Variants in TUBB2A observed in about 807,000 individuals in gnomAD.
The protein encoded by TUBB2A is tubulin beta-2A chain.
A neutral mutation model predicts 33.9 loss-of-function variants in TUBB2A; 7 were observed. The ratio of observed to expected loss-of-function variants is 0.21; its 90% confidence interval spans 0.12 to 0.39. The LOEUF is 0.39. TUBB2A is among the 10% of genes least tolerant of loss of function. The pLI is 1.00. For synonymous variants in TUBB2A, 187 were observed against 247.6 expected (o/e 0.76, Z 2.30); for missense variants, 80 against 593.4 (o/e 0.13, Z 8.99).
Position 3,154,857 on chromosome 6 carries a change from G to C in TUBB2A, c.344C>G (p.Ser115Trp). 2 of 1,613,360 alleles carry C rather than the reference G, an allele frequency of 1.2e-6. No individual in the cohort carries two copies. Among genetic ancestry groups the C allele is most frequent in the Non-Finnish European group, 8.5e-7 (1 of 1,179,850 alleles). Residue 115 changes from serine to tryptophan, a missense_variant, in exon 4 of 4, where the codon TCG becomes TGG. By Grantham distance (177) the Ser-to-Trp change is radical. This residue lies in a region of TUBB2A where 27 missense variants were observed against 165.8 expected (regional missense o/e 0.16). Coordinates refer to ENST00000333628, the MANE Select transcript of TUBB2A (RefSeq NM_001069.3). The stretch of plus-strand genomic sequence containing the variant: ...CTCCTTCCTCACCACATCCAGGACC[G>C]AGTCGACCAGCTCGGCTCCCTCTGT... ...HYTEGAELVD[S>W]VLDVVRKESE... is the part of the protein sequence containing the mutation.
chr6:3,156,057 G>A lies in TUBB2A; in HGVS notation c.153C>T (p.Tyr51=). ...DLQLERINVY[Y]NEAAGNKYVP... is the part of the protein sequence containing the mutation. ...CCCGCTACTCACCAGCAGCCTCATT[G>A]TAGTACACGTTGATTCTCTCCAGCT... is the stretch of plus-strand genomic sequence containing the variant. The change falls in exon 2 of 4, where the codon TAC becomes TAT. Residue 51 remains tyrosine, a synonymous_variant. Transcript: ENST00000333628. 7.5e-6 allele frequency: 12 copies of A among 1,606,692 alleles called. No individual in the cohort carries two copies. The highest frequency in any genetic ancestry group is 1.0e-5 in the Non-Finnish European group (12 of 1,175,064).
rs1762658003 is a variant in TUBB2A, at chr6:3,157,513, G to T, written c.-50C>A. ...GCTGGCCCTCGGAGCGGTGCGCGGC[G>T]TGGACCGGCGGGCTGGGCTGCGCAG... is the stretch of plus-strand genomic sequence containing the variant. On this transcript the variant is annotated 5_prime_UTR_variant, in exon 1 of 4. Transcript: ENST00000333628. The T allele has an allele frequency of 6.9e-7, 1 of 1,451,608 alleles. No homozygotes were observed. Among genetic ancestry groups the T allele is most frequent in the East Asian group, 3.0e-5 (1 of 33,066 alleles). 89.9% of individuals were successfully genotyped at this position (1,451,608 alleles called of 1,614,324 possible).
chr6:3,157,480 C>T lies in TUBB2A; in HGVS notation c.-17G>A. 2.6e-6 allele frequency: 4 copies of T among 1,516,258 alleles called. No homozygotes were observed. The highest frequency in any genetic ancestry group is 1.8e-6 in the Non-Finnish European group (2 of 1,138,272). The allele number at this position is 1,516,258 out of a possible 1,614,324, so 93.9% of individuals were successfully genotyped here. A position where few individuals can be genotyped will look rare whatever the true frequency, so the allele number is the denominator to read the frequency against. On this transcript the variant is annotated 5_prime_UTR_variant, in exon 1 of 4. Transcript: ENST00000333628. ...CTCGCGCATGGTGCCGGCTGCGGAG[C>T]GGGTGGCGCTGGCCCTCGGAGCGGT...
At position 3,157,535 on chromosome 6, in the gene TUBB2A, G is replaced by GCAGAGACCTGCCGCCGCC. The variant is rs1220818680; in HGVS notation, c.-73_-72insGGCGGCGGCAGGTCTCTG. The GCAGAGACCTGCCGCCGCC allele has an allele frequency of 1.9e-5, 27 of 1,385,338 alleles. No individual in the cohort carries two copies. In the Admixed American group the frequency reaches 8.2e-4, roughly 42 times the overall value. 85.8% of individuals were successfully genotyped at this position (1,385,338 alleles called of 1,614,324 possible). ...GGCGTGGACCGGCGGGCTGGGCTGC[G>GCAGAGACCTGCCGCCGCC]CAGAGACCTGCCGCCGCCCCCCCAG... is the stretch of plus-strand genomic sequence containing the variant. On this transcript the variant is annotated 5_prime_UTR_variant, in exon 1 of 4. Coordinates refer to ENST00000333628, the MANE Select transcript of TUBB2A (RefSeq NM_001069.3).
At position 3,154,483 on chromosome 6, in the gene TUBB2A, G is replaced by A. The variant is rs200869469; in HGVS notation, c.718C>T (p.Leu240=). Residue 240 remains leucine, a synonymous_variant, in exon 4 of 4, where the codon CTG becomes TTG. Coordinates refer to ENST00000333628, the MANE Select transcript of TUBB2A (RefSeq NM_001069.3). The part of the protein sequence containing the change: ...SATMSGVTTC[L]RFPGQLNADL... ...GCGTTCAGCTGGCCCGGGAAGCGCA[G>A]GCAGGTGGTGACCCCGCTCATGGTG... is the stretch of plus-strand genomic sequence containing the variant. The A allele has an allele frequency of 1.2e-5, 19 of 1,601,038 alleles. No homozygotes were observed. Among genetic ancestry groups the A allele is most frequent in the Middle Eastern group, 1.7e-4 (1 of 5,980 alleles).
Position 3,157,523 on chromosome 6 carries a change from G to C in TUBB2A, c.-60C>G. On this transcript the variant is annotated 5_prime_UTR_variant, in exon 1 of 4. Coordinates refer to ENST00000333628, the MANE Select transcript of TUBB2A (RefSeq NM_001069.3). ...GGAGCGGTGCGCGGCGTGGACCGGCGGGCTGGGCTGCGCAGAGACCTGCCG... is the reference window on the plus strand; with the variant it reads ...GGAGCGGTGCGCGGCGTGGACCGGCCGGCTGGGCTGCGCAGAGACCTGCCG... 7.0e-7 allele frequency: 1 copy of C among 1,425,978 alleles called. No individual in the cohort carries two copies. Among genetic ancestry groups the C allele is most frequent in the African/African-American group, 1.5e-5 (1 of 67,076 alleles). 88.3% of individuals were successfully genotyped at this position (1,425,978 alleles called of 1,614,324 possible). A position where few individuals can be genotyped will look rare whatever the true frequency, so the allele number is the denominator to read the frequency against.
Position 3,156,261 on chromosome 6 carries a change from T to G in TUBB2A, c.58-109A>C. 3 of 1,287,356 alleles carry G rather than the reference T, an allele frequency of 2.3e-6. No homozygotes were observed. The Admixed American group carries it at 8.2e-5, about 35-fold the overall frequency. 79.7% of individuals were successfully genotyped at this position (1,287,356 alleles called of 1,614,324 possible). A position where few individuals can be genotyped will look rare whatever the true frequency, so the allele number is the denominator to read the frequency against. On this transcript the variant is annotated intron_variant, in intron 1 of 3. Coordinates refer to ENST00000333628, the MANE Select transcript of TUBB2A (RefSeq NM_001069.3). ...ACAGGGGCTTTTGTGGTCAGACAGT[T>G]AGTAAGTGCTAGACAGAGAGCAAAG...
At position 3,154,732 on chromosome 6, in the gene TUBB2A, C is replaced by T; in HGVS notation, c.469G>A (p.Glu157Lys). The part of the protein sequence containing the change: ...MGTLLISKIR[E>K]EYPDRIMNTF... ...TTCATGATGCGGTCTGGGTACTCTTCCCGGATCTTGCTGATGAGCAGGGTG... is the reference window on the plus strand; with the variant it reads ...TTCATGATGCGGTCTGGGTACTCTTTCCGGATCTTGCTGATGAGCAGGGTG... The change falls in exon 4 of 4, where the codon GAA becomes AAA. Residue 157 changes from glutamate (E) to lysine (K), a missense_variant. By Grantham distance (56) the Glu-to-Lys change is moderately conservative. Around this residue, in one of 5 missense-constraint regions of TUBB2A, gnomAD observed 27 missense variants for 165.8 expected, o/e 0.16. Transcript: ENST00000333628. The T allele has an allele frequency of 1.9e-6, 3 of 1,611,312 alleles. No individual in the cohort carries two copies. Among genetic ancestry groups the T allele is most frequent in the Non-Finnish European group, 2.5e-6 (3 of 1,178,522 alleles).
chr6:3,153,751 CAG>C lies in TUBB2A; in HGVS notation c.*110_*111del. 1.3e-6 allele frequency: 2 copies of C among 1,488,360 alleles called. No individual in the cohort carries two copies. The highest frequency in any genetic ancestry group is 1.9e-5 in the Admixed American group (1 of 52,388). The allele number at this position is 1,488,360 out of a possible 1,614,324, so 92.2% of individuals were successfully genotyped here. A position where few individuals can be genotyped will look rare whatever the true frequency, so the allele number is the denominator to read the frequency against. On this transcript the variant is annotated 3_prime_UTR_variant, in exon 4 of 4. Coordinates refer to ENST00000333628, the MANE Select transcript of TUBB2A (RefSeq NM_001069.3). ...GAGGAGTTCCACATCATTACATCAA[CAG>C]TGTGAATTTCTAACAGAGGCAAAAC...
At chr6:3,157,228 C>G (rs921214068) in intron 1 of TUBB2A, among the ~76,000 whole-genome samples, 179 bp downstream of exon 1, 18 of 152,228 alleles carry the variant, frequency 1.2e-4, no homozygotes, top group Non-Finnish European at 2.6e-4. Context: ...AACGCACACA[C>G]AGCTGCGGCG....
Position 3,157,507 on chromosome 6 carries a change from C to A in TUBB2A, c.-44G>T. On this transcript the variant is annotated 5_prime_UTR_variant, in exon 1 of 4. Coordinates refer to ENST00000333628, the MANE Select transcript of TUBB2A (RefSeq NM_001069.3). ...GGTGGCGCTGGCCCTCGGAGCGGTG[C>A]GCGGCGTGGACCGGCGGGCTGGGCT... is the stretch of plus-strand genomic sequence containing the variant. The A allele has an allele frequency of 6.8e-7, 1 of 1,469,458 alleles. No individual in the cohort carries two copies. The highest frequency in any genetic ancestry group is 9.0e-7 in the Non-Finnish European group (1 of 1,114,514). The allele number at this position is 1,469,458 out of a possible 1,614,324, so 91.0% of individuals were successfully genotyped here.
At chr6:3,156,770 G>T (rs978820196) in intron 1 of TUBB2A, among the ~76,000 whole-genome samples, 7 of 152,126 alleles carry the variant, frequency 4.6e-5, no homozygotes, top group African/African-American at 1.7e-4. Context: ...GGGGAGGCTG[G>T]GTGGGCAACA....
In TUBB2A at chr6:3,157,369, G is replaced by C. The variant is rs776365762; in HGVS notation, c.57+38C>G. The C allele has an allele frequency of 6.8e-6, 10 of 1,462,508 alleles. No individual in the cohort carries two copies. The African/African-American group carries it at 1.3e-4, about 19-fold the overall frequency. The allele number at this position is 1,462,508 out of a possible 1,614,324, so 90.6% of individuals were successfully genotyped here. A position where few individuals can be genotyped will look rare whatever the true frequency, so the allele number is the denominator to read the frequency against. On this transcript the variant is annotated intron_variant, in intron 1 of 3. Transcript: ENST00000333628. ...CGCCCCGGCCCCAGCCCGCACCCTC[G>C]GTCCCAACCCCGGGCCCCTCCGTGG...
rs772818777 is a variant in TUBB2A, at chr6:3,153,701, T to G, written c.*162A>C. The G allele has an allele frequency of 2.3e-5, 27 of 1,159,800 alleles. No homozygotes were observed. The highest frequency in any genetic ancestry group is 2.9e-5 in the Non-Finnish European group (24 of 828,908). 71.8% of individuals were successfully genotyped at this position (1,159,800 alleles called of 1,614,324 possible). A position where few individuals can be genotyped will look rare whatever the true frequency, so the allele number is the denominator to read the frequency against. ...ATGCTTTTTTATTAGTATAGATACC[T>G]TCACAGACAATACTGTAATTTTTAG... On this transcript the variant is annotated 3_prime_UTR_variant, in exon 4 of 4. Transcript: ENST00000333628.
In TUBB2A at chr6:3,153,760, T is replaced by A; in HGVS notation, c.*103A>T. 1 of 1,544,354 alleles carries A rather than the reference T, an allele frequency of 6.5e-7. No homozygotes were observed. Reference sequence around the variant, plus strand: ...CACATCATTACATCAACAGTGTGAATTTCTAACAGAGGCAAAACTGAGCAC... The same window carrying A: ...CACATCATTACATCAACAGTGTGAAATTCTAACAGAGGCAAAACTGAGCAC... On this transcript the variant is annotated 3_prime_UTR_variant, in exon 4 of 4. Transcript: ENST00000333628.
chr6:3,155,997 C>T lies in TUBB2A; in HGVS notation c.166+47G>A. 5 of 1,472,962 alleles carry T rather than the reference C, an allele frequency of 3.4e-6. No homozygotes were observed. Among genetic ancestry groups the T allele is most frequent in the Non-Finnish European group, 4.6e-6 (5 of 1,089,676 alleles). 91.2% of individuals were successfully genotyped at this position (1,472,962 alleles called of 1,614,324 possible). On this transcript the variant is annotated intron_variant, in intron 2 of 3. Coordinates refer to ENST00000333628, the MANE Select transcript of TUBB2A (RefSeq NM_001069.3). This position sits in a 1 kb window ranked among gnomAD's most constrained non-coding sequence, Gnocchi z 4.2. ...TGTTCCTGGGACGTTTCATCTCCCA[C>T]ATCATGGAAAGCAAGGATTCCTGGG...
At position 3,155,521 on chromosome 6, in the gene TUBB2A, G is replaced by A; in HGVS notation, c.277+104C>T. ...TAGGCCAGGACTCAGGGCTGCCGTG[G>A]ACACAGTGTCACCTTGGCACTGAAC... On this transcript the variant is annotated intron_variant, in intron 3 of 3. Transcript: ENST00000333628. The surrounding 1 kb of genome is among the most constrained non-coding windows in gnomAD (Gnocchi z 4.2). 1 of 856,134 alleles carries A rather than the reference G, an allele frequency of 1.2e-6. No individual in the cohort carries two copies. Among genetic ancestry groups the A allele is most frequent in the Non-Finnish European group, 1.8e-6 (1 of 553,900 alleles). 53.0% of individuals were successfully genotyped at this position (856,134 alleles called of 1,614,324 possible). A position where few individuals can be genotyped will look rare whatever the true frequency, so the allele number is the denominator to read the frequency against.
intron 3 of TUBB2A, 55 bp from the exon 4 acceptor site, chr6:3,154,978 G>T: frequency 6.2e-7 from 1 of 1,609,662 alleles, no homozygotes; most frequent in Non-Finnish European, 8.5e-7. Context: ...TTCAAAATCT[G>T]TCATTTTGAC....
In TUBB2A at chr6:3,153,911, G is replaced by A. The variant is rs267600945; in HGVS notation, c.1290C>T (p.Ala430=). ...SEYQQYQDAT[A]DEQGEFEEEE... is the part of the protein sequence containing the mutation. ...CCTCCTCGAACTCCCCTTGTTCGTC[G>A]GCCGTGGCGTCCTGGTACTGCTGGT... Residue 430 remains alanine (A), a synonymous_variant, in exon 4 of 4, where the codon GCC becomes GCT. Coordinates refer to ENST00000333628, the MANE Select transcript of TUBB2A (RefSeq NM_001069.3). 7.3e-5 allele frequency: 117 copies of A among 1,613,058 alleles called. No homozygotes were observed. Among genetic ancestry groups the A allele is most frequent in the Admixed American group, 1.2e-4 (7 of 59,856 alleles).
Sources: allele counts gnomAD v4.1 joint callset (sites outside exome capture counted in the v4.1 genomes callset), GRCh38; gene constraint gnomAD v4.1.1; regional missense constraint gnomAD v4.1.1; non-coding constraint Gnocchi (gnomAD v3.1); transcripts MANE v1.5; gene names NCBI Gene and HGNC (gene_info 2026-07-23, HGNC 2026-07-21).